The following EBF3 variants were observed in gnomAD, a reference collection of about 807,000 sequenced individuals.
EBF3 encodes EBF transcription factor 3, also known as transcription factor COE3.
A neutral mutation model predicts 77.1 loss-of-function variants in EBF3; 18 were observed. The observed-to-expected ratio is 0.23, with a 90% confidence interval of 0.16 to 0.35. The LOEUF (loss-of-function observed/expected upper bound fraction) is 0.35. EBF3 is among the 10% of genes least tolerant of loss of function. The pLI is 1.00. For synonymous variants in EBF3, 350 were observed against 343.5 expected (o/e 1.02, Z -0.21); for missense variants, 558 against 860.0 (o/e 0.65, Z 4.39).
chr10:129,858,094 C>T (rs1851378341), intron 10 of EBF3, among the ~76,000 whole-genome samples: 1 of 152,216 alleles, frequency 6.6e-6, no homozygotes, highest in South Asian at 2.1e-4. Flanking sequence ...CAGGTGTTCA[C>T]TATCATGGTG....
At chr10:129,957,965 G>A (rs1859165031) in intron 5 of EBF3, among the ~76,000 whole-genome samples, 1 of 152,240 alleles carries the variant, frequency 6.6e-6, no homozygotes, top group African/African-American at 2.4e-5. Flanking sequence ...GGTAGGCAAA[G>A]TATATAAAGC....
chr10:129,949,446 A>ATAAAAGGGACACT (rs1197860927), intron 6 of EBF3, among the ~76,000 whole-genome samples: 1 of 152,176 alleles, frequency 6.6e-6, no homozygotes, highest in Non-Finnish European at 1.5e-5. Flanking sequence ...GTTACCTCAA[A>ATAAAAGGGACACT]TAAAAGGGAC....
chr10:129,963,232 C>G lies in EBF3; in HGVS notation c.291+135G>C. 1.5e-6 allele frequency: 2 copies of G among 1,318,778 alleles called. No homozygotes were observed. The highest frequency in any genetic ancestry group is 2.9e-5 in the East Asian group (1 of 34,322). 81.7% of individuals were successfully genotyped at this position (1,318,778 alleles called of 1,614,324 possible). On this transcript the variant is annotated intron_variant, in intron 2 of 16. Coordinates refer to ENST00000440978, the MANE Select transcript of EBF3 (RefSeq NM_001375380.1). The surrounding 1 kb of genome is among the most constrained non-coding windows in gnomAD (Gnocchi z 7.1). ...CCAGCCCTCGGCGGTCCCGGGCGGC[C>G]GCACGTGGCGGCGGCGGGGTGGCCT...
chr10:129,868,518 G>A (rs959402040), intron 8 of EBF3, among the ~76,000 whole-genome samples: 4 of 152,180 alleles, frequency 2.6e-5, no homozygotes, highest in Non-Finnish European at 4.4e-5. Context: ...CGCCGCTGGC[G>A]TGACCTCTCT....
chr10:129,842,102 G>T lies in EBF3; in HGVS notation c.1372+14C>A. 1 of 1,614,164 alleles carries T rather than the reference G, an allele frequency of 6.2e-7. No homozygotes were observed. Among genetic ancestry groups the T allele is most frequent in the East Asian group, 2.2e-5 (1 of 44,856 alleles). On this transcript the variant is annotated intron_variant, in intron 13 of 16. Coordinates refer to ENST00000440978, the MANE Select transcript of EBF3 (RefSeq NM_001375380.1). The surrounding 1 kb of genome is among the most constrained non-coding windows in gnomAD (Gnocchi z 4.4). ...GGCGTTCAGGGCAGGGGTCCTCCCAGCATGCTGGCATACCTTGGTCGTTGG... is the reference window on the plus strand; with the variant it reads ...GGCGTTCAGGGCAGGGGTCCTCCCATCATGCTGGCATACCTTGGTCGTTGG...
chr10:129,929,339 G>C (rs951481820), intron 6 of EBF3, among the ~76,000 whole-genome samples: 10 of 152,068 alleles, frequency 6.6e-5, no homozygotes, highest in African/African-American at 2.4e-4. Flanking sequence ...CAAGTAGCTG[G>C]AACTACAGGC....
chr10:129,850,796 G>A (rs765105756), intron 10 of EBF3, among the ~76,000 whole-genome samples: 101 of 152,172 alleles, frequency 6.6e-4, no homozygotes, highest in Non-Finnish European at 4.3e-4. Flanking sequence ...CAGAGCTCCT[G>A]GGTTCTGCAA....
intron 6 of EBF3, among the ~76,000 whole-genome samples, chr10:129,922,543 T>C (rs750342822): frequency 6.6e-6 from 1 of 152,180 alleles, no homozygotes; most frequent in Non-Finnish European, 1.5e-5. Context: ...TTGTAAACAT[T>C]TCATGGGGTG....
chr10:129,848,268 G>A lies in EBF3; in HGVS notation c.1128+124C>T. 4.8e-6 allele frequency: 5 copies of A among 1,034,660 alleles called. 1 individual carries two copies. In the South Asian group the frequency reaches 5.3e-5, roughly 11 times the overall value. 64.1% of individuals were successfully genotyped at this position (1,034,660 alleles called of 1,614,324 possible). A position where few individuals can be genotyped will look rare whatever the true frequency, so the allele number is the denominator to read the frequency against. On this transcript the variant is annotated intron_variant, in intron 11 of 16. Transcript: ENST00000440978. This position sits in a 1 kb window ranked among gnomAD's most constrained non-coding sequence, Gnocchi z 4.4. ...GCAGCTCCTCACACCTGTCGGCCCTGTGGTGGGCACAGAGTTTGGGGAATC... is the reference window on the plus strand; with the variant it reads ...GCAGCTCCTCACACCTGTCGGCCCTATGGTGGGCACAGAGTTTGGGGAATC...
chr10:129,855,965 G>A (rs771136923), intron 10 of EBF3, among the ~76,000 whole-genome samples: 5 of 152,180 alleles, frequency 3.3e-5, no homozygotes, highest in Non-Finnish European at 7.3e-5. Context: ...AGCCCCTCCC[G>A]AGGCCAGAGG....
Position 129,963,551 on chromosome 10 carries a change from G to C in EBF3, c.135-28C>G, listed in dbSNP as rs765863288. The C allele has an allele frequency of 7.0e-7, 1 of 1,437,904 alleles. No homozygotes were observed. Among genetic ancestry groups the C allele is most frequent in the South Asian group, 1.4e-5 (1 of 73,332 alleles). The allele number at this position is 1,437,904 out of a possible 1,614,324, so 89.1% of individuals were successfully genotyped here. ...GCGGGAGGAAAGAGACAGCGGCCCG[G>C]TGAGGAGCGCGGCGCCGGCCGGCGG... On this transcript the variant is annotated intron_variant, in intron 1 of 16. Transcript: ENST00000440978. This position sits in a 1 kb window ranked among gnomAD's most constrained non-coding sequence, Gnocchi z 7.1.
In EBF3 at chr10:129,943,887, C is replaced by T. The variant is rs1015621826; in HGVS notation, c.554+13371G>A. On this transcript the variant is annotated intron_variant, in intron 6 of 16. Coordinates refer to ENST00000440978, the MANE Select transcript of EBF3 (RefSeq NM_001375380.1). This position sits in a 1 kb window ranked among gnomAD's most constrained non-coding sequence, Gnocchi z 8.8. ...TTATGGAGGGCGCTGGCCTTCGGCG[C>T]AGACCCAGCTGAAACCGTAAAATGC... Among the ~76,000 whole-genome samples the T allele has an allele frequency of 6.6e-6, 1 of 152,218 alleles. No individual in the cohort carries two copies. The highest frequency in any genetic ancestry group is 1.5e-5 in the Non-Finnish European group (1 of 68,048).
rs1858037130 is a variant in EBF3, at chr10:129,944,590, G to A, written c.554+12668C>T. Among the ~76,000 whole-genome samples the A allele has an allele frequency of 6.6e-6, 1 of 152,136 alleles. No individual in the cohort carries two copies. The highest frequency in any genetic ancestry group is 2.1e-4 in the South Asian group (1 of 4,822). On this transcript the variant is annotated intron_variant, in intron 6 of 16. Coordinates refer to ENST00000440978, the MANE Select transcript of EBF3 (RefSeq NM_001375380.1). The surrounding 1 kb of genome is among the most constrained non-coding windows in gnomAD (Gnocchi z 5.1). ...TTATCACTCTTAGGGTAGGCTGAAG[G>A]CAGCGTTTGGGGAGCATTTTCTTAG...
Position 129,963,578 on chromosome 10 carries a change from G to A in EBF3, c.135-55C>T. 3.2e-6 allele frequency: 4 copies of A among 1,262,526 alleles called. No homozygotes were observed. The South Asian group carries it at 6.6e-5, about 21-fold the overall frequency. The allele number at this position is 1,262,526 out of a possible 1,614,324, so 78.2% of individuals were successfully genotyped here. ...GAGGAGCGCGGCGCCGGCCGGCGGA[G>A]GGGGCCGGGCCGGGCCGGGGCCGGG... On this transcript the variant is annotated intron_variant, in intron 1 of 16. Coordinates refer to ENST00000440978, the MANE Select transcript of EBF3 (RefSeq NM_001375380.1). The surrounding 1 kb of genome is among the most constrained non-coding windows in gnomAD (Gnocchi z 7.1).
At chr10:129,960,985 G>C (rs1336645214) in intron 4 of EBF3, among the ~76,000 whole-genome samples, 1 of 152,180 alleles carries the variant, frequency 6.6e-6, no homozygotes. Context: ...TTACCTGTCA[G>C]ATCTGTTTTA....
chr10:129,918,699 C>T (rs1256218212), intron 6 of EBF3, among the ~76,000 whole-genome samples: 2 of 152,206 alleles, frequency 1.3e-5, no homozygotes, highest in African/African-American at 4.8e-5. Context: ...GGAGTGAAGC[C>T]CAGATGCGCC....
chr10:129,859,690 C>T (rs374223113), intron 10 of EBF3, among the ~76,000 whole-genome samples: 26 of 152,358 alleles, frequency 1.7e-4, no homozygotes, highest in African/African-American at 6.0e-4. Flanking sequence ...CACATGAAAC[C>T]ACGAGCAGCC....
chr10:129,894,731 G>A (rs1020994299), intron 6 of EBF3, among the ~76,000 whole-genome samples: 2 of 152,222 alleles, frequency 1.3e-5, no homozygotes, highest in African/African-American at 4.8e-5. Flanking sequence ...GCATCTGCCT[G>A]GGGCCTCCAC....
chr10:129,925,615 A>G (rs992335110), intron 6 of EBF3, among the ~76,000 whole-genome samples: 6 of 151,910 alleles, frequency 3.9e-5, no homozygotes, highest in South Asian at 2.1e-4. Flanking sequence ...AAAGAAAGAA[A>G]GAAAGAAAGT....
Sources: gnomAD v4.1 joint callset for allele counts (sites outside exome capture counted in the v4.1 genomes callset) on GRCh38, gnomAD v4.1.1 for gene constraint, Gnocchi (gnomAD v3.1) non-coding constraint, MANE v1.5 for transcripts, NCBI Gene and HGNC (gene_info 2026-07-23, HGNC 2026-07-21) for gene names.